Variants in SCN9A observed in about 807,000 individuals in gnomAD.
The protein encoded by SCN9A is sodium voltage-gated channel alpha subunit 9, also known as sodium channel protein type 9 subunit alpha.
In SCN9A, 131 loss-of-function variants were observed where a neutral mutation model predicts 187.0. That is an observed-to-expected ratio of 0.70 (90% confidence interval 0.61 to 0.81). The LOEUF is 0.81. SCN9A is among the 30% of genes least tolerant of loss of function. The pLI, the probability that SCN9A is intolerant of heterozygous loss-of-function variation, is 0.00. For synonymous variants in SCN9A, 809 were observed against 808.6 expected, an observed-to-expected ratio of 1.00 and a Z score of -0.01; for missense variants, 2,252 against 2,396.6, an observed-to-expected ratio of 0.94 and a Z score of 1.26.
chr2:166,284,971 T>A, intron 11 of SCN9A, 147 bp from the exon 12 acceptor site: 1 of 837,392 alleles, frequency 1.2e-6, no homozygotes, highest in Non-Finnish European at 1.8e-6. Context: ...AGCAATTCAG[T>A]GAGAAGAAAA....
At chr2:166,263,543 C>T (rs1696603750) in intron 17 of SCN9A, among the ~76,000 whole-genome samples, 1 of 151,990 alleles carries the variant, frequency 6.6e-6, no homozygotes, top group Admixed American at 6.6e-5. Context: ...TCCCCTACCT[C>T]CTCAATTTTC....
chr2:166,281,016 A>G lies in SCN9A; in HGVS notation c.2105-421T>C, dbSNP rs562028088. On this transcript the variant is annotated intron_variant, in intron 13 of 26. Transcript: ENST00000642356. ...GAAAAAACTCTTGCTGTAATAGTTC[A>G]CAGGTGAAAACAATCCTAGAACCAA... Among the ~76,000 whole-genome samples, 6 of 152,342 alleles carry G rather than the reference A, an allele frequency of 3.9e-5. No homozygotes were observed. In the East Asian group the frequency reaches 1.2e-3, roughly 29 times the overall value.
chr2:166,350,674 C>T (rs1700012832), intron 1 of SCN9A, among the ~76,000 whole-genome samples: 1 of 152,146 alleles, frequency 6.6e-6, no homozygotes, highest in South Asian at 2.1e-4. Flanking sequence ...TATGAGGTCA[C>T]TTTTAACTTA....
chr2:166,289,518 CT>C (rs1222126607), intron 9 of SCN9A, among the ~76,000 whole-genome samples: 1 of 152,008 alleles, frequency 6.6e-6, no homozygotes, highest in African/African-American at 2.4e-5. Context: ...TGAACTTATT[CT>C]TTTTTATGGC....
At chr2:166,233,905 T>C (rs954391255) in intron 20 of SCN9A, among the ~76,000 whole-genome samples, 4 of 152,174 alleles carry the variant, frequency 2.6e-5, no homozygotes, top group African/African-American at 9.6e-5. Context: ...TAAATCTTAT[T>C]AAAAAACATT....
chr2:166,349,254 T>C (rs1470734654), intron 1 of SCN9A, among the ~76,000 whole-genome samples: 1 of 152,174 alleles, frequency 6.6e-6, no homozygotes, highest in Non-Finnish European at 1.5e-5. Context: ...ATGGGGTACA[T>C]AGAAGGTAAT....
intron 17 of SCN9A, 53 bp from the exon 18 acceptor site, chr2:166,251,938 T>A: frequency 6.3e-7 from 1 of 1,594,068 alleles, no homozygotes; most frequent in East Asian, 2.2e-5. Context: ...TTCATTCAAA[T>A]ATGATATTTA....
chr2:166,332,955 T>C (rs900729610), intron 1 of SCN9A, among the ~76,000 whole-genome samples: 1 of 151,240 alleles, frequency 6.6e-6, no homozygotes, highest in Non-Finnish European at 1.5e-5. Flanking sequence ...TTTAAAATTA[T>C]ATTTTATTAT....
At chr2:166,320,766 G>T (rs1044152373) in intron 1 of SCN9A, among the ~76,000 whole-genome samples, 14 of 152,090 alleles carry the variant, frequency 9.2e-5, no homozygotes, top group Non-Finnish European at 1.8e-4. Flanking sequence ...AAATACTACT[G>T]TTTTAAAATC....
At chr2:166,351,680 C>T (rs1409265214) in intron 1 of SCN9A, among the ~76,000 whole-genome samples, 1 of 152,124 alleles carries the variant, frequency 6.6e-6, no homozygotes, top group Non-Finnish European at 1.5e-5. Flanking sequence ...CCATCCAAGT[C>T]ATTAGTCTTG....
Position 166,203,865 on chromosome 2 carries a change from TG to T in SCN9A, c.4774+89del, listed in dbSNP as rs2106345835. On this transcript the variant is annotated intron_variant, in intron 26 of 26. Transcript: ENST00000642356. ...GTACTGACTTACTCAAGAGTAAATT[TG>T]TGTTCAAGAATTCAGCATATACTTC... is the stretch of plus-strand genomic sequence containing the variant. 4 of 792,198 alleles carry T rather than the reference TG, an allele frequency of 5.0e-6. No homozygotes were observed. In the South Asian group the frequency reaches 7.6e-5, roughly 15 times the overall value. 49.1% of individuals were successfully genotyped at this position (792,198 alleles called of 1,614,324 possible).
intron 7 of SCN9A, among the ~76,000 whole-genome samples, chr2:166,300,363 T>C (rs1179535721): frequency 1.3e-5 from 2 of 150,850 alleles, no homozygotes; most frequent in Middle Eastern, 3.4e-3. Flanking sequence ...CCCCCACACA[T>C]AGACTCACAC....
chr2:166,289,203 T>A (rs1697925757), intron 9 of SCN9A, among the ~76,000 whole-genome samples: 1 of 151,924 alleles, frequency 6.6e-6, no homozygotes, highest in Admixed American at 6.6e-5. Context: ...TACAGAGATT[T>A]TTTTTTCTTT....
chr2:166,337,271 T>G (rs1227866464), intron 1 of SCN9A, among the ~76,000 whole-genome samples: 3 of 152,094 alleles, frequency 2.0e-5, no homozygotes, highest in African/African-American at 7.2e-5. Flanking sequence ...TGATTTCTTA[T>G]GAGAGGAAAC....
chr2:166,204,611 C>T, intron 24 of SCN9A, 147 bp from the exon 25 acceptor site: 1 of 459,002 alleles, frequency 2.2e-6, no homozygotes, highest in Non-Finnish European at 3.8e-6. Flanking sequence ...TAAAATATAT[C>T]TTAAATAATT....
chr2:166,291,832 T>C (rs774327763), intron 9 of SCN9A, among the ~76,000 whole-genome samples: 1 of 152,186 alleles, frequency 6.6e-6, no homozygotes, highest in Non-Finnish European at 1.5e-5. Flanking sequence ...AAGGATTCCC[T>C]ATATAATAAA....
In SCN9A at chr2:166,222,654, C is replaced by T. The variant is rs545598366; in HGVS notation, c.4398+3913G>A. 1.1e-3 allele frequency among the ~76,000 whole-genome samples: 155 copies of T among 143,274 alleles called. 6 individuals are homozygous for T. Among genetic ancestry groups the T allele is most frequent in the African/African-American group, 4.2e-3 (145 of 34,754 alleles). 94.0% of individuals were successfully genotyped at this position (143,274 alleles called of 152,430 possible). ...ACAAACAAACAAACAGCAACAAGGC[C>T]GGGCGTGGTGGCTCACGCCTGTAAT... On this transcript the variant is annotated intron_variant, in intron 24 of 26. Coordinates refer to ENST00000642356, the MANE Select transcript of SCN9A (RefSeq NM_001365536.1).
chr2:166,306,056 T>G, intron 4 of SCN9A, 136 bp from the exon 5 acceptor site: 1 of 910,846 alleles, frequency 1.1e-6, no homozygotes, highest in Non-Finnish European at 1.7e-6. Context: ...GGACACACCC[T>G]ATTAAACTAC....
In SCN9A at chr2:166,207,101, T is replaced by C. The variant is rs543764067; in HGVS notation, c.4399-2637A>G. Among the ~76,000 whole-genome samples, 10 of 152,358 alleles carry C rather than the reference T, an allele frequency of 6.6e-5. No homozygotes were observed. The South Asian group carries it at 8.3e-4, about 13-fold the overall frequency. On this transcript the variant is annotated intron_variant, in intron 24 of 26. Transcript: ENST00000642356. ...GCTAATTTCTTAAGTTAGCTGTAAGTTTTACAGATTTATGTATATTCTACA... is the reference window on the plus strand; with the variant it reads ...GCTAATTTCTTAAGTTAGCTGTAAGCTTTACAGATTTATGTATATTCTACA...
Sources: allele counts gnomAD v4.1 joint callset (sites outside exome capture counted in the v4.1 genomes callset), GRCh38; gene constraint gnomAD v4.1.1; transcripts MANE v1.5; gene names NCBI Gene and HGNC (gene_info 2026-07-23, HGNC 2026-07-21).